DIAPH1: variants seen among roughly 807,000 people sequenced by gnomAD.
DIAPH1 encodes the protein protein diaphanous homolog 1.
In DIAPH1, 46 loss-of-function variants were observed where a neutral mutation model predicts 140.7. The observed-to-expected ratio is 0.33, with a 90% CI of 0.26 to 0.42. The LOEUF (loss-of-function observed/expected upper bound fraction) is 0.42. Among genes scored for constraint, DIAPH1 ranks in the 10% least tolerant of loss-of-function variants. The pLI is 1.00. For missense variants in DIAPH1, 1,310 were observed against 1,558.7 expected, an observed-to-expected ratio of 0.84 and a Z score of 2.69; for synonymous variants, 565 against 551.6, an observed-to-expected ratio of 1.02 and a Z score of -0.34.
rs968161558 is a variant in DIAPH1 at position 141,578,419 on chromosome 5, GTT to G, written c.1045-78_1045-77del. On this transcript the variant is annotated intron_variant, in intron 10 of 27. Transcript: ENST00000389054. ...TTAGAAACCTAAGCTTTTCAACCTG[GTT>G]TTTAATTGAAAACCAGAATTATCCC... 2.1e-5 allele frequency: 33 copies of G among 1,540,814 alleles called. No individual in the cohort carries two copies. The African/African-American group carries it at 3.8e-4, about 18-fold the overall frequency.
chr5:141,600,418 T>A (rs1160954103), intron 1 of DIAPH1, among the ~76,000 whole-genome samples: 1 of 152,202 alleles, frequency 6.6e-6, no homozygotes, highest in Non-Finnish European at 1.5e-5. Flanking sequence ...AACTATGAGC[T>A]AATAAGTGTG....
At chr5:141,617,507 T>C (rs971821305) in intron 1 of DIAPH1, among the ~76,000 whole-genome samples, 4 of 152,328 alleles carry the variant, frequency 2.6e-5, no homozygotes, top group African/African-American at 9.6e-5. Context: ...TCTTCCTGTT[T>C]CCATCGCTTT....
chr5:141,558,096 G>T (rs545977089), intron 18 of DIAPH1, among the ~76,000 whole-genome samples: 16 of 152,082 alleles, frequency 1.1e-4, no homozygotes, highest in Non-Finnish European at 2.2e-4. Flanking sequence ...CATTTCAAAC[G>T]AATCAGTCCT....
chr5:141,537,110 GTGAGCCATGAC>G (rs2099889137), intron 18 of DIAPH1, among the ~76,000 whole-genome samples: 2 of 152,192 alleles, frequency 1.3e-5, no homozygotes, highest in South Asian at 4.1e-4. Flanking sequence ...TGAGGCTGCA[GTGAGCCATGAC>G]TGTGCCACTG....
chr5:141,544,307 T>A (rs1186765466), intron 18 of DIAPH1, among the ~76,000 whole-genome samples: 1 of 151,258 alleles, frequency 6.6e-6, no homozygotes, highest in Non-Finnish European at 1.5e-5. Flanking sequence ...TGAGACTCCA[T>A]CTCAAAAAAA....
chr5:141,579,959 A>AG (rs2099896509), intron 8 of DIAPH1, among the ~76,000 whole-genome samples: 1 of 151,640 alleles, frequency 6.6e-6, no homozygotes, highest in Admixed American at 6.6e-5. Flanking sequence ...AAAAAAAAAA[A>AG]GGAAAAAAAA....
intron 18 of DIAPH1, among the ~76,000 whole-genome samples, chr5:141,545,709 A>C (rs1418635631): frequency 6.6e-6 from 1 of 152,190 alleles, no homozygotes; most frequent in Non-Finnish European, 1.5e-5. Flanking sequence ...CAAATAAAGA[A>C]ATAAAAGAAA....
intron 18 of DIAPH1, among the ~76,000 whole-genome samples, chr5:141,535,318 T>G (rs1469993148): frequency 6.6e-6 from 1 of 152,198 alleles, no homozygotes; most frequent in East Asian, 1.9e-4. Flanking sequence ...ATGATTGAGG[T>G]AAAATATACT....
chr5:141,536,131 C>T (rs2099888979), intron 18 of DIAPH1: 1 of 405,742 alleles, frequency 2.5e-6, no homozygotes, highest in South Asian at 1.8e-5. Context: ...AAAACCCTGT[C>T]TCTATAAAAA....
rs144626251 is a variant in DIAPH1, at chr5:141,540,115, T to C, written c.2483-5682A>G. Among the ~76,000 whole-genome samples the C allele has an allele frequency of 3.8e-3, 572 of 151,922 alleles. 5 individuals carry two copies. The highest frequency in any genetic ancestry group is 0.011 in the Admixed American group (165 of 15,228). On this transcript the variant is annotated intron_variant, in intron 18 of 27. Coordinates refer to ENST00000389054, the MANE Select transcript of DIAPH1 (RefSeq NM_005219.5). ...TCTGTATATCTCATAAGGCATAAGG[T>C]TGTTTTTTTTCTTTTTTTTGAGACG...
intron 18 of DIAPH1, 45 bp downstream of exon 18, chr5:141,571,383 C>G (rs111765981): frequency 6.6e-7 from 1 of 1,506,788 alleles, no homozygotes; most frequent in African/African-American, 1.4e-5. Context: ...ATCTTTTTCT[C>G]TAATATTCAA....
At position 141,537,438 on chromosome 5, in the gene DIAPH1, G is replaced by A. The variant is rs1042133710; in HGVS notation, c.2483-3005C>T. Among the ~76,000 whole-genome samples the A allele has an allele frequency of 3.0e-4, 42 of 138,672 alleles. No homozygotes were observed. In the Admixed American group the frequency reaches 3.2e-3, roughly 11 times the overall value. The allele number at this position is 138,672 out of a possible 152,430, so 91.0% of individuals were successfully genotyped here. ...GCAGAGGTTGTGGTGAGCTGAGATC[G>A]CGCCATTGCACTGCAGCCTGGGCAA... On this transcript the variant is annotated intron_variant, in intron 18 of 27. Coordinates refer to ENST00000389054, the MANE Select transcript of DIAPH1 (RefSeq NM_005219.5).
At chr5:141,529,007 T>C (rs2099887813) in intron 21 of DIAPH1, 66 bp from the exon 22 acceptor site, 1 of 1,610,688 alleles carries the variant, frequency 6.2e-7, no homozygotes, top group Non-Finnish European at 8.5e-7. Context: ...AGATACACGC[T>C]TGAGCCTCCT....
At chr5:141,520,728 A>G (rs1311016812) in intron 27 of DIAPH1, among the ~76,000 whole-genome samples, 4 of 151,728 alleles carry the variant, frequency 2.6e-5, no homozygotes. Context: ...ATTATGTCCG[A>G]CTCTCCTTGC....
At position 141,565,597 on chromosome 5, in the gene DIAPH1, T is replaced by C. The variant is rs757083055; in HGVS notation, c.2482+5831A>G. Among the ~76,000 whole-genome samples the C allele has an allele frequency of 1.4e-4, 21 of 152,322 alleles. No individual in the cohort carries two copies. Among genetic ancestry groups the C allele is most frequent in the Non-Finnish European group, 2.4e-4 (16 of 68,028 alleles). On this transcript the variant is annotated intron_variant, in intron 18 of 27. Transcript: ENST00000389054. The surrounding 1 kb of genome is among the most constrained non-coding windows in gnomAD (Gnocchi z 4.3). Reference sequence around the variant, plus strand: ...AGTCTTTAGAAGTTCCTTTTTCTGATTGCTTCAATTTTGTCAGTGAAGTAG... The same window carrying C: ...AGTCTTTAGAAGTTCCTTTTTCTGACTGCTTCAATTTTGTCAGTGAAGTAG...
intron 27 of DIAPH1, among the ~76,000 whole-genome samples, chr5:141,521,331 A>T (rs2099886509): frequency 6.6e-6 from 1 of 152,216 alleles, no homozygotes; most frequent in African/African-American, 2.4e-5. Flanking sequence ...CAATTCAGAC[A>T]TGGAGATAAA....
chr5:141,548,726 A>T (rs1596356649), intron 18 of DIAPH1, among the ~76,000 whole-genome samples: 1 of 152,246 alleles, frequency 6.6e-6, no homozygotes, highest in Non-Finnish European at 1.5e-5. Flanking sequence ...GAATCACCTA[A>T]GCCCGAGGAG....
chr5:141,612,582 C>G (rs1033991314), intron 1 of DIAPH1, among the ~76,000 whole-genome samples: 1 of 152,106 alleles, frequency 6.6e-6, no homozygotes, highest in Non-Finnish European at 1.5e-5. Context: ...CTAGAAAACA[C>G]AAACTAATCT....
intron 1 of DIAPH1, among the ~76,000 whole-genome samples, chr5:141,609,157 A>G (rs764602641): frequency 1.4e-5 from 2 of 143,218 alleles, no homozygotes; most frequent in East Asian, 4.1e-4. Flanking sequence ...CAAAGTCTAA[A>G]TTACTAAATG....
Sources: allele counts gnomAD v4.1 joint callset (sites outside exome capture counted in the v4.1 genomes callset), GRCh38; gene constraint gnomAD v4.1.1; non-coding constraint Gnocchi (gnomAD v3.1); transcripts MANE v1.5; gene names NCBI Gene and HGNC (gene_info 2026-07-23, HGNC 2026-07-21).